CLEC16A: variants seen among roughly 807,000 people sequenced by gnomAD.
The protein encoded by CLEC16A is C-type lectin domain containing 16A.
CLEC16A carries 51 observed loss-of-function variants against 109.5 expected under a neutral mutation model. The observed-to-expected ratio is 0.47, with a 90% CI of 0.37 to 0.59. The LOEUF (loss-of-function observed/expected upper bound fraction) is 0.59. Ranked by LOEUF, CLEC16A falls within the 20% of genes least tolerant of loss-of-function variation. The probability of loss-of-function intolerance (pLI) is 0.00; values close to 1 mark genes in which losing one functional copy is unlikely to be tolerated. For synonymous variants in CLEC16A, 673 were observed against 564.2 expected, an observed-to-expected ratio of 1.19 and a Z score of -2.73; for missense variants, 1,339 against 1,394.0, an observed-to-expected ratio of 0.96 and a Z score of 0.63.
chr16:11,095,371 C>A (rs912412960), intron 19 of CLEC16A, among the ~76,000 whole-genome samples: 2 of 152,162 alleles, frequency 1.3e-5, no homozygotes, highest in Non-Finnish European at 2.9e-5. Flanking sequence ...GGGCTCCCCC[C>A]ACCTCCCCAT....
Position 10,962,435 on chromosome 16 carries a change from C to G in CLEC16A, c.210-20C>G. ...CACATGTGGAAGCAAGCCACTGATG[C>G]TTTTCCATTCTCTCCCCAGCTTCTT... On this transcript the variant is annotated intron_variant, in intron 2 of 23. Coordinates refer to ENST00000409790, the MANE Select transcript of CLEC16A (RefSeq NM_015226.3). 6.2e-7 allele frequency: 1 copy of G among 1,613,644 alleles called. No individual in the cohort carries two copies. The highest frequency in any genetic ancestry group is 8.5e-7 in the Non-Finnish European group (1 of 1,179,686).
chr16:11,144,767 G>A (rs1244420720), intron 22 of CLEC16A, among the ~76,000 whole-genome samples: 2 of 152,226 alleles, frequency 1.3e-5, no homozygotes, highest in Non-Finnish European at 1.5e-5. Flanking sequence ...AGTGGCTCTA[G>A]CGTGCTTGGG....
chr16:11,105,135 A>C (rs2051141376), intron 19 of CLEC16A, among the ~76,000 whole-genome samples: 1 of 152,228 alleles, frequency 6.6e-6, no homozygotes. Flanking sequence ...AGAGGAAATT[A>C]TGCAATGTAC....
chr16:11,094,480 G>T (rs1192336404), intron 19 of CLEC16A, among the ~76,000 whole-genome samples: 1 of 152,236 alleles, frequency 6.6e-6, no homozygotes, highest in African/African-American at 2.4e-5. Context: ...GCTGCTCAGA[G>T]GAGGGGCAGC....
At chr16:11,095,094 T>C (rs201288098) in intron 19 of CLEC16A, among the ~76,000 whole-genome samples, 13 of 145,290 alleles carry the variant, frequency 8.9e-5, no homozygotes, top group South Asian at 2.2e-4. Context: ...TTTTTTTTTC[T>C]TTTTTTTTTT....
At chr16:11,122,751 A>G (rs1289021332) in intron 20 of CLEC16A, among the ~76,000 whole-genome samples, 2 of 152,084 alleles carry the variant, frequency 1.3e-5, no homozygotes, top group Non-Finnish European at 2.9e-5. Flanking sequence ...TCAAACCTTC[A>G]TGGGAGTAGA....
At chr16:10,953,740 G>A (rs112082470) in intron 1 of CLEC16A, among the ~76,000 whole-genome samples, 1 of 152,230 alleles carries the variant, frequency 6.6e-6, no homozygotes, top group African/African-American at 2.4e-5. Context: ...ACTTTGGGAG[G>A]CTGAGGTACG....
intron 19 of CLEC16A, among the ~76,000 whole-genome samples, chr16:11,063,507 A>G (rs1166893849): frequency 1.3e-5 from 2 of 152,028 alleles, no homozygotes; most frequent in Non-Finnish European, 2.9e-5. Flanking sequence ...GAGAAATGTT[A>G]GGGACTGCTC....
At chr16:11,012,246 C>G (rs998042688) in intron 11 of CLEC16A, among the ~76,000 whole-genome samples, 2 of 152,034 alleles carry the variant, frequency 1.3e-5, no homozygotes, top group African/African-American at 4.8e-5. Flanking sequence ...ACATAAAGGC[C>G]CAAAATACTT....
chr16:10,981,494 T>G (rs1302329473), intron 9 of CLEC16A, among the ~76,000 whole-genome samples: 2 of 152,224 alleles, frequency 1.3e-5, no homozygotes, highest in Non-Finnish European at 2.9e-5. Flanking sequence ...TGCCTGTACC[T>G]TTTATCTAAT....
chr16:10,982,080 A>G (rs764842951), intron 9 of CLEC16A, among the ~76,000 whole-genome samples: 2 of 152,208 alleles, frequency 1.3e-5, no homozygotes, highest in Non-Finnish European at 2.9e-5. Flanking sequence ...TTTCTATGCA[A>G]ATGGTAGATA....
intron 19 of CLEC16A, among the ~76,000 whole-genome samples, chr16:11,111,122 T>C (rs993015140): frequency 1.3e-5 from 2 of 152,198 alleles, no homozygotes; most frequent in African/African-American, 4.8e-5. Context: ...GAAAGAATTT[T>C]AGAATTTTAG....
At chr16:11,128,080 C>A (rs933242962) in intron 22 of CLEC16A, among the ~76,000 whole-genome samples, 1 of 152,094 alleles carries the variant, frequency 6.6e-6, no homozygotes, top group Admixed American at 6.5e-5. Flanking sequence ...ACAAATTGAC[C>A]TGGTAAGAAA....
chr16:11,175,286 G>A (rs929564745), intron 23 of CLEC16A, among the ~76,000 whole-genome samples: 4 of 152,126 alleles, frequency 2.6e-5, no homozygotes, highest in South Asian at 2.1e-4. Flanking sequence ...ATGTCTGTCC[G>A]CTGCTTATGG....
In CLEC16A at chr16:11,178,109, G is replaced by T. The variant is rs2068830362; in HGVS notation, c.2807-226G>T. Among the ~76,000 whole-genome samples, 2 of 152,144 alleles carry T rather than the reference G, an allele frequency of 1.3e-5. No individual in the cohort carries two copies. Among genetic ancestry groups the T allele is most frequent in the South Asian group, 4.1e-4 (2 of 4,820 alleles). On this transcript the variant is annotated intron_variant, in intron 23 of 23. Transcript: ENST00000409790. This position sits in a 1 kb window ranked among gnomAD's most constrained non-coding sequence, Gnocchi z 6.5. Reference sequence around the variant, plus strand: ...AATTTTCCCCTCATATCACAAGTCAGGGTAACCCTAGGCCCTGCTGTATTT... The same window carrying T: ...AATTTTCCCCTCATATCACAAGTCATGGTAACCCTAGGCCCTGCTGTATTT...
intron 10 of CLEC16A, among the ~76,000 whole-genome samples, chr16:10,985,812 GT>G (rs1365243937): frequency 6.6e-6 from 1 of 151,746 alleles, no homozygotes; most frequent in Non-Finnish European, 1.5e-5. Flanking sequence ...CTGCCTCTGG[GT>G]TCAAGCGTCA....
At chr16:11,172,171 T>A (rs960632177) in intron 23 of CLEC16A, among the ~76,000 whole-genome samples, 16 of 152,020 alleles carry the variant, frequency 1.1e-4, no homozygotes, top group Admixed American at 6.6e-4. Context: ...CAGTCACACA[T>A]ATACAAATGG....
chr16:10,955,916 G>A (rs1279127739), intron 1 of CLEC16A, among the ~76,000 whole-genome samples: 2 of 152,220 alleles, frequency 1.3e-5, no homozygotes, highest in Admixed American at 6.5e-5. Context: ...AATTCAATGG[G>A]TCTGGGACAA....
intron 11 of CLEC16A, among the ~76,000 whole-genome samples, chr16:11,014,210 A>C (rs1055260006): frequency 6.6e-6 from 1 of 152,100 alleles, no homozygotes; most frequent in Admixed American, 6.5e-5. Flanking sequence ...CCTTTCTTAC[A>C]TACAGGGTAG....
Sources: allele counts gnomAD v4.1 joint callset (sites outside exome capture counted in the v4.1 genomes callset), GRCh38; gene constraint gnomAD v4.1.1; non-coding constraint Gnocchi (gnomAD v3.1); transcripts MANE v1.5; gene names NCBI Gene and HGNC (gene_info 2026-07-23, HGNC 2026-07-21).